Variants in SLC39A9 observed in about 807,000 individuals in gnomAD.
The protein encoded by SLC39A9 is solute carrier family 39 member 9.
A neutral mutation model predicts 28.4 loss-of-function variants in SLC39A9; 14 were observed. That is an observed-to-expected ratio of 0.49 (90% CI 0.33 to 0.77). The LOEUF is 0.77. SLC39A9 is among the 30% of genes least tolerant of loss of function. The pLI is 0.02. For missense variants in SLC39A9, 283 were observed against 381.1 expected, an observed-to-expected ratio of 0.74 and a Z score of 2.14; for synonymous variants, 119 against 149.6, an observed-to-expected ratio of 0.80 and a Z score of 1.49.
At chr14:69,435,402 C>A (rs751482178) in intron 2 of SLC39A9, among the ~76,000 whole-genome samples, 2 of 152,140 alleles carry the variant, frequency 1.3e-5, no homozygotes, top group Non-Finnish European at 2.9e-5. Flanking sequence ...TTATATCTTT[C>A]CCTTCTATCC....
intron 3 of SLC39A9, among the ~76,000 whole-genome samples, chr14:69,446,267 T>C (rs965255131): frequency 6.8e-6 from 1 of 147,094 alleles, no homozygotes; most frequent in Non-Finnish European, 1.5e-5. Context: ...TTTGTATATA[T>C]ATTTATATAT....
At chr14:69,453,212 T>G in intron 3 of SLC39A9, 29 bp from the exon 4 acceptor site, 5 of 1,593,828 alleles carry the variant, frequency 3.1e-6, no homozygotes, top group Non-Finnish European at 4.3e-6. Flanking sequence ...TCACATAGCT[T>G]AACGCTGTCT....
At chr14:69,421,624 G>A (rs543375762) in intron 1 of SLC39A9, among the ~76,000 whole-genome samples, 16 of 152,286 alleles carry the variant, frequency 1.1e-4, no homozygotes, top group African/African-American at 3.4e-4. Context: ...GTCTACGGAG[G>A]CAGGCAGGCC....
In SLC39A9 at chr14:69,461,639, G is replaced by GT. The variant is rs878964440; in HGVS notation, c.*3056dup. ...TGCAGAAAGGAGAAAATGTGATTGT[G>GT]TTTTTTTTTTACCAGCCTACTTCTA... On this transcript the variant is annotated 3_prime_UTR_variant, in exon 7 of 7. Transcript: ENST00000336643. The GT allele has an allele frequency of 5.9e-3, 7,404 of 1,264,034 alleles. 1 individual carries two copies. Among genetic ancestry groups the GT allele is most frequent in the South Asian group, 0.012 (773 of 63,204 alleles). The allele number at this position is 1,264,034 out of a possible 1,614,324, so 78.3% of individuals were successfully genotyped here.
At chr14:69,419,752 A>G (rs1046140755) in intron 1 of SLC39A9, among the ~76,000 whole-genome samples, 1 of 151,998 alleles carries the variant, frequency 6.6e-6, no homozygotes, top group African/African-American at 2.4e-5. Flanking sequence ...TTACCATTAT[A>G]TAATGGCCTT....
chr14:69,453,838 A>G (rs985245431), intron 4 of SLC39A9, among the ~76,000 whole-genome samples: 16 of 152,242 alleles, frequency 1.1e-4, no homozygotes, highest in African/African-American at 3.9e-4. Flanking sequence ...GTTTTTGTGC[A>G]ACAGTGGCAG....
intron 1 of SLC39A9, among the ~76,000 whole-genome samples, chr14:69,417,913 A>G (rs934908522): frequency 6.6e-6 from 1 of 152,186 alleles, no homozygotes; most frequent in Non-Finnish European, 1.5e-5. Flanking sequence ...GTCATCTGCA[A>G]AGAGGACAAT....
At chr14:69,446,923 A>G (rs1478960063) in intron 3 of SLC39A9, among the ~76,000 whole-genome samples, 1 of 147,508 alleles carries the variant, frequency 6.8e-6, no homozygotes, top group Non-Finnish European at 1.5e-5. Context: ...CCATGAGCCC[A>G]TCTGTGATAT....
intron 3 of SLC39A9, among the ~76,000 whole-genome samples, chr14:69,450,716 G>A (rs1429096400): frequency 6.6e-6 from 1 of 152,198 alleles, no homozygotes; most frequent in East Asian, 1.9e-4. Context: ...CGAGGCTGCA[G>A]TGAGCTGTGA....
chr14:69,448,921 A>C (rs1041186153), intron 3 of SLC39A9, among the ~76,000 whole-genome samples: 1 of 152,216 alleles, frequency 6.6e-6, no homozygotes, highest in African/African-American at 2.4e-5. Context: ...GCGTGAGTAT[A>C]AATGATGAAG....
chr14:69,399,062 AT>A lies in SLC39A9; in HGVS notation c.-304del. On this transcript the variant is annotated 5_prime_UTR_variant, in exon 1 of 7. Transcript: ENST00000336643. ...AATCGAAGAAATCGATCATTCGCAC[AT>A]TTTCCCCATTGACTTTTCCCATCTC... The A allele has an allele frequency of 6.4e-6, 2 of 311,982 alleles. No homozygotes were observed. The highest frequency in any genetic ancestry group is 5.9e-6 in the Non-Finnish European group (1 of 169,612). 19.3% of individuals were successfully genotyped at this position (311,982 alleles called of 1,614,324 possible). A position where few individuals can be genotyped will look rare whatever the true frequency, so the allele number is the denominator to read the frequency against.
At chr14:69,446,896 GA>G (rs75698508) in intron 3 of SLC39A9, among the ~76,000 whole-genome samples, 14 of 110,348 alleles carry the variant, frequency 1.3e-4, no homozygotes, top group Non-Finnish European at 2.1e-4. Context: ...AAAAGAAAAA[GA>G]AAAAAAAATG....
At position 69,413,967 on chromosome 14, in the gene SLC39A9, A is replaced by G. The variant is rs546584998; in HGVS notation, c.97-10127A>G. Among the ~76,000 whole-genome samples, 4 of 152,212 alleles carry G rather than the reference A, an allele frequency of 2.6e-5. No individual in the cohort carries two copies. In the South Asian group the frequency reaches 8.3e-4, roughly 32 times the overall value. On this transcript the variant is annotated intron_variant, in intron 1 of 6. Coordinates refer to ENST00000336643, the MANE Select transcript of SLC39A9 (RefSeq NM_018375.5). ...TTTGGTAGCTAATATCCCTATTTTT[A>G]AAACATGGGTCTAAAGATTAATAAA...
rs150892774 is a variant in SLC39A9, at chr14:69,408,095, C to A, written c.96+8630C>A. 6.6e-5 allele frequency among the ~76,000 whole-genome samples: 10 copies of A among 152,062 alleles called. No individual in the cohort carries two copies. In the South Asian group the frequency reaches 1.2e-3, roughly 19 times the overall value. Reference sequence around the variant, plus strand: ...GTGGTATGATCTTGGCTCACCACAACCTCTCTCTTTGGGTTCAAGTGATTC... The same window carrying A: ...GTGGTATGATCTTGGCTCACCACAAACTCTCTCTTTGGGTTCAAGTGATTC... On this transcript the variant is annotated intron_variant, in intron 1 of 6. Transcript: ENST00000336643.
At chr14:69,438,799 A>G (rs927561888) in intron 2 of SLC39A9, among the ~76,000 whole-genome samples, 1 of 152,214 alleles carries the variant, frequency 6.6e-6, no homozygotes, top group South Asian at 2.1e-4. Context: ...CCATGGCTCA[A>G]TGTAGATTAT....
chr14:69,424,691 G>GT (rs965130388), intron 2 of SLC39A9, among the ~76,000 whole-genome samples: 145 of 152,230 alleles, frequency 9.5e-4, no homozygotes, highest in African/African-American at 3.4e-3. Flanking sequence ...CTGTGTGAGA[G>GT]TAAATGCTTG....
In SLC39A9 at chr14:69,417,412, C is replaced by T. The variant is rs147148553; in HGVS notation, c.97-6682C>T. On this transcript the variant is annotated intron_variant, in intron 1 of 6. Coordinates refer to ENST00000336643, the MANE Select transcript of SLC39A9 (RefSeq NM_018375.5). ...AGTTGGAAGTCAGATAGTGTGATGCCTCCAGCTTTGTTCTTTTTGCTTAGG... is the reference window on the plus strand; with the variant it reads ...AGTTGGAAGTCAGATAGTGTGATGCTTCCAGCTTTGTTCTTTTTGCTTAGG... Among the ~76,000 whole-genome samples, 448 of 152,270 alleles carry T rather than the reference C, an allele frequency of 2.9e-3. 3 individuals carry two copies. The highest frequency in any genetic ancestry group is 0.01 in the African/African-American group (436 of 41,550).
chr14:69,432,635 C>G lies in SLC39A9; in HGVS notation c.205+8433C>G, dbSNP rs555216368. On this transcript the variant is annotated intron_variant, in intron 2 of 6. Transcript: ENST00000336643. ...ATAAATTCTTTCCCAAGGCTGATGT[C>G]CAGAGTGGTTTCCTAGGTTTTCTTC... 3.7e-4 allele frequency among the ~76,000 whole-genome samples: 56 copies of G among 152,202 alleles called. No homozygotes were observed. The South Asian group carries it at 0.011, about 31-fold the overall frequency.
chr14:69,447,634 G>T (rs1424846890), intron 3 of SLC39A9, among the ~76,000 whole-genome samples: 4 of 152,182 alleles, frequency 2.6e-5, no homozygotes, highest in Non-Finnish European at 4.4e-5. Context: ...AAACTGGGCT[G>T]GATGCAGTGG....
Sources: gnomAD v4.1 joint callset for allele counts (sites outside exome capture counted in the v4.1 genomes callset) on GRCh38, gnomAD v4.1.1 for gene constraint, MANE v1.5 for transcripts, NCBI Gene and HGNC (gene_info 2026-07-23, HGNC 2026-07-21) for gene names.